THSD4: variants seen among roughly 807,000 people sequenced by gnomAD.
THSD4 encodes thrombospondin type-1 domain-containing protein 4.
Under a neutral mutation model 119.0 loss-of-function variants are expected in THSD4, and 69 were observed. The observed-to-expected ratio is 0.58, with a 90% confidence interval of 0.48 to 0.71. The LOEUF (loss-of-function observed/expected upper bound fraction) is 0.71, where lower values mean the gene tolerates loss of function less well. THSD4 is among the 30% of genes least tolerant of loss of function. The pLI is 0.00. For missense variants in THSD4, 1,393 were observed against 1,391.1 expected, an observed-to-expected ratio of 1.00 and a Z score of -0.02; for synonymous variants, 524 against 540.4, an observed-to-expected ratio of 0.97 and a Z score of 0.42.
chr15:71,189,958 C>A (rs750749769), intron 3 of THSD4, among the ~76,000 whole-genome samples: 4 of 152,164 alleles, frequency 2.6e-5, no homozygotes, highest in African/African-American at 7.2e-5. Flanking sequence ...CCCGCCCACG[C>A]ACTGCTGGGG....
At chr15:71,343,131 T>C (rs1389350515) in intron 6 of THSD4, among the ~76,000 whole-genome samples, 2 of 152,180 alleles carry the variant, frequency 1.3e-5, no homozygotes, top group African/African-American at 4.8e-5. Flanking sequence ...ATGCCTGTAA[T>C]CCCAACATTT....
intron 7 of THSD4, among the ~76,000 whole-genome samples, chr15:71,566,564 C>G (rs765351653): frequency 1.1e-4 from 17 of 152,112 alleles, no homozygotes; most frequent in African/African-American, 4.1e-4. Flanking sequence ...CGTGCTGCCC[C>G]GAGAGTTTCT....
intron 7 of THSD4, among the ~76,000 whole-genome samples, chr15:71,517,658 GT>G (rs779442039): frequency 1.3e-5 from 2 of 152,204 alleles, no homozygotes; most frequent in Non-Finnish European, 2.9e-5. Flanking sequence ...TAAAACGACT[GT>G]TTCCTGCTCA....
chr15:71,737,730 A>G lies in THSD4; in HGVS notation c.1631-2A>G, dbSNP rs2053142199. 1 of 1,605,592 alleles carries G rather than the reference A, an allele frequency of 6.2e-7. No homozygotes were observed. Among genetic ancestry groups the G allele is most frequent in the Admixed American group, 1.7e-5 (1 of 59,336 alleles). ...CTGTGTGTGCACGCTCACCTCTCCT[A>G]GGGGAACCCTTCAATGGCCAGATGG... On this transcript the variant is annotated splice_acceptor_variant, in intron 10 of 17. Transcript: ENST00000261862. LOFTEE classifies it high-confidence loss of function.
At chr15:71,293,658 AC>A (rs879608348) in intron 6 of THSD4, among the ~76,000 whole-genome samples, 1 of 152,184 alleles carries the variant, frequency 6.6e-6, no homozygotes, top group Non-Finnish European at 1.5e-5. Context: ...TTTGCAACTT[AC>A]ACTCAATTAC....
intron 7 of THSD4, among the ~76,000 whole-genome samples, chr15:71,466,264 G>C (rs773198849): frequency 1.3e-4 from 20 of 151,280 alleles, no homozygotes; most frequent in Non-Finnish European, 2.2e-4. Flanking sequence ...AGAATGGTGT[G>C]AACCCAGGAG....
At chr15:71,699,216 T>TAATGTCAATTATACCTCAATAAAG (rs1234852222) in intron 8 of THSD4, among the ~76,000 whole-genome samples, 1 of 97,250 alleles carries the variant, frequency 1.0e-5, no homozygotes, top group African/African-American at 5.0e-5. Flanking sequence ...ACAGCTTTTT[T>TAATGTCAATTATACCTCAATAAAG]TTTTTTTTTT....
intron 3 of THSD4, among the ~76,000 whole-genome samples, chr15:71,199,779 TGTGG>T (rs796269656): frequency 5.2e-5 from 6 of 115,226 alleles, no homozygotes; most frequent in Middle Eastern, 5.4e-3. Flanking sequence ...GTGTGTGGTG[TGTGG>T]GTGTGTGCTG....
intron 6 of THSD4, among the ~76,000 whole-genome samples, chr15:71,296,096 A>G (rs550058579): frequency 6.6e-6 from 1 of 152,320 alleles, no homozygotes; most frequent in African/African-American, 2.4e-5. Context: ...ATGAGTCATG[A>G]ATGATGCTGC....
At position 71,557,040 on chromosome 15, in the gene THSD4, G is replaced by A. The variant is rs973755894; in HGVS notation, c.1153-103490G>A. On this transcript the variant is annotated intron_variant, in intron 7 of 17. Transcript: ENST00000261862. ...AACCTCCAGCAAAATGTTGAATGGG[G>A]GCAGTATTATTTTGTTCCTGATTTG... 9.9e-5 allele frequency among the ~76,000 whole-genome samples: 15 copies of A among 152,164 alleles called. No homozygotes were observed. In the South Asian group the frequency reaches 1.0e-3, roughly 11 times the overall value.
chr15:71,728,658 G>T lies in THSD4; in HGVS notation c.1467G>T (p.Glu489Asp). ...TGTTCACCTACAAGCGTCCAAATGAGATTTCGAGCACTGCCGGAGAGTCCT... is the reference window on the plus strand; with the variant it reads ...TGTTCACCTACAAGCGTCCAAATGATATTTCGAGCACTGCCGGAGAGTCCT... The part of the protein sequence containing the change: ...GTMFTYKRPN[E>D]ISSTAGESFL... The change falls in exon 9 of 18, where the codon GAG (glutamate) becomes GAT (aspartate). Residue 489 changes from glutamate to aspartate, a missense_variant. Physicochemically the swap from Glu to Asp is conservative, Grantham distance 45. Coordinates refer to ENST00000261862, the MANE Select transcript of THSD4 (RefSeq NM_024817.3). 1 of 1,614,214 alleles carries T rather than the reference G, an allele frequency of 6.2e-7. No individual in the cohort carries two copies. Among genetic ancestry groups the T allele is most frequent in the Non-Finnish European group, 8.5e-7 (1 of 1,180,044 alleles).
chr15:71,407,933 C>G (rs953560924), intron 6 of THSD4, among the ~76,000 whole-genome samples: 1 of 152,190 alleles, frequency 6.6e-6, no homozygotes, highest in Admixed American at 6.6e-5. Context: ...GTAGGAACCA[C>G]TGCTTTAGTG....
At chr15:71,665,612 A>G (rs2051402001) in intron 8 of THSD4, among the ~76,000 whole-genome samples, 1 of 152,086 alleles carries the variant, frequency 6.6e-6, no homozygotes. Flanking sequence ...GTTGTCCTCT[A>G]GGGTTTTATA....
chr15:71,251,868 T>C (rs2044263913), intron 5 of THSD4, among the ~76,000 whole-genome samples: 1 of 152,184 alleles, frequency 6.6e-6, no homozygotes, highest in Admixed American at 6.5e-5. Context: ...ATAATACTAT[T>C]TGTGACTCAT....
chr15:71,503,635 C>T (rs1162703483), intron 7 of THSD4, among the ~76,000 whole-genome samples: 1 of 152,142 alleles, frequency 6.6e-6, no homozygotes, highest in African/African-American at 2.4e-5. Context: ...TTGAGGCCAC[C>T]CTGCCTTCCA....
At chr15:71,349,264 C>T (rs573166709) in intron 6 of THSD4, among the ~76,000 whole-genome samples, 1 of 152,354 alleles carries the variant, frequency 6.6e-6, no homozygotes, top group African/African-American at 2.4e-5. Context: ...AAATTGGATA[C>T]AGAAGTGGCC....
chr15:71,606,642 G>A (rs984877165), intron 7 of THSD4, among the ~76,000 whole-genome samples: 2 of 152,184 alleles, frequency 1.3e-5, no homozygotes, highest in African/African-American at 4.8e-5. Flanking sequence ...CCGGGTTCAA[G>A]CAATTCTCCT....
chr15:71,591,804 T>C (rs373425529), intron 7 of THSD4, among the ~76,000 whole-genome samples: 10 of 150,686 alleles, frequency 6.6e-5, no homozygotes, highest in African/African-American at 1.9e-4. Flanking sequence ...AACAAAAAAG[T>C]GGGTATATAA....
chr15:71,698,697 C>T (rs1226049500), intron 8 of THSD4, among the ~76,000 whole-genome samples: 5 of 145,270 alleles, frequency 3.4e-5, no homozygotes, highest in Non-Finnish European at 7.5e-5. Flanking sequence ...TTCATCCATT[C>T]GTCTATACAC....
Sources: allele counts gnomAD v4.1 joint callset (sites outside exome capture counted in the v4.1 genomes callset), GRCh38; gene constraint gnomAD v4.1.1; transcripts MANE v1.5; gene names NCBI Gene and HGNC (gene_info 2026-07-23, HGNC 2026-07-21).